The following NUDCD1 variants were observed in gnomAD, a reference collection of about 807,000 sequenced individuals.
The protein encoded by NUDCD1 is NudC domain containing 1.
Under a neutral mutation model 67.8 loss-of-function variants are expected in NUDCD1, and 60 were observed. The ratio of observed to expected loss-of-function variants is 0.88; its 90% CI spans 0.72 to 1.10. The LOEUF (loss-of-function observed/expected upper bound fraction) is 1.10, where lower values mean the gene tolerates loss of function less well. NUDCD1 is among the 50% of genes least tolerant of loss of function. The pLI is 0.00. For missense variants in NUDCD1, 643 were observed against 695.0 expected (o/e 0.93, Z 0.84); for synonymous variants, 244 against 230.8 (o/e 1.06, Z -0.52).
chr8:109,259,373 T>C (rs1232266609), intron 8 of NUDCD1, among the ~76,000 whole-genome samples: 1 of 152,218 alleles, frequency 6.6e-6, no homozygotes, highest in Non-Finnish European at 1.5e-5. Flanking sequence ...AGGAGTTTCA[T>C]GTCTTTTTAC....
intron 6 of NUDCD1, among the ~76,000 whole-genome samples, chr8:109,275,810 T>C (rs1393814065): frequency 6.6e-6 from 1 of 152,118 alleles, no homozygotes; most frequent in Non-Finnish European, 1.5e-5. Flanking sequence ...CTGAACTTAA[T>C]AGAAATACAA....
At chr8:109,276,095 T>G (rs1002044125) in intron 6 of NUDCD1, among the ~76,000 whole-genome samples, 28 of 152,214 alleles carry the variant, frequency 1.8e-4, no homozygotes, top group African/African-American at 6.3e-4. Flanking sequence ...AAAAAGATGT[T>G]AATGTGTTCT....
intron 2 of NUDCD1, among the ~76,000 whole-genome samples, chr8:109,321,511 A>G (rs1302634932): frequency 1.3e-5 from 2 of 150,762 alleles, no homozygotes; most frequent in African/African-American, 5.0e-5. Context: ...AGTTCTAAGG[A>G]CATTTTTTTT....
In NUDCD1 at chr8:109,243,212, C is replaced by T; in HGVS notation, c.1549G>A (p.Val517Ile). 6.2e-7 allele frequency: 1 copy of T among 1,613,644 alleles called. No individual in the cohort carries two copies. The highest frequency in any genetic ancestry group is 8.5e-7 in the Non-Finnish European group (1 of 1,179,676). Residue 517 changes from valine (V) to isoleucine (I), a missense_variant, in exon 10 of 10, where the codon GTA becomes ATA. Coordinates refer to ENST00000239690, the MANE Select transcript of NUDCD1 (RefSeq NM_032869.4). ...YAALCECLRR[V>I]FIYRQPAPMS... ...GGAGCAGGCTGACGATAGATGAATA[C>T]TCGACGAAGGCACTCACAAAGGGCT...
intron 2 of NUDCD1, among the ~76,000 whole-genome samples, chr8:109,317,647 G>C (rs59651628): frequency 0.011 from 1,682 of 152,202 alleles, 28 homozygotes; most frequent in African/African-American, 0.038. Flanking sequence ...AAAGTTACCT[G>C]ACATTATGAT....
chr8:109,333,825 G>C (rs1326246282), intron 1 of NUDCD1, 68 bp downstream of exon 1: 13 of 1,523,600 alleles, frequency 8.5e-6, no homozygotes, highest in African/African-American at 2.8e-5. Context: ...GAAATTGCGG[G>C]AAGGGTCAGG....
intron 4 of NUDCD1, among the ~76,000 whole-genome samples, chr8:109,291,248 C>T (rs1814704541): frequency 6.6e-6 from 1 of 152,122 alleles, no homozygotes. Context: ...CTCAAACTCC[C>T]AGGCTCAAGC....
intron 8 of NUDCD1, among the ~76,000 whole-genome samples, chr8:109,247,093 TC>T (rs1196436617): frequency 2.0e-5 from 3 of 152,170 alleles, no homozygotes; most frequent in South Asian, 4.1e-4. Context: ...CTCTCCTTAC[TC>T]CCGATGATCA....
intron 2 of NUDCD1, among the ~76,000 whole-genome samples, chr8:109,300,079 T>C (rs1274639730): frequency 1.3e-5 from 2 of 152,188 alleles, no homozygotes; most frequent in South Asian, 2.1e-4. Context: ...GGGAACACCA[T>C]GGGACAAAAG....
At chr8:109,275,634 C>A in intron 6 of NUDCD1, 138 bp from the exon 7 acceptor site, 1 of 707,556 alleles carries the variant, frequency 1.4e-6, no homozygotes, top group Non-Finnish European at 2.2e-6. Flanking sequence ...AAAAATCTTG[C>A]TCATTTAAGT....
intron 2 of NUDCD1, among the ~76,000 whole-genome samples, chr8:109,299,910 A>G (rs764556433): frequency 2.6e-5 from 4 of 152,150 alleles, no homozygotes; most frequent in Non-Finnish European, 5.9e-5. Flanking sequence ...GAGACCCACA[A>G]ATGGTACACA....
At chr8:109,331,563 G>A (rs553964217) in intron 1 of NUDCD1, among the ~76,000 whole-genome samples, 39 of 150,264 alleles carry the variant, frequency 2.6e-4, no homozygotes, top group Admixed American at 1.2e-3. Context: ...CTGATATCCT[G>A]CAGCTGTACA....
At chr8:109,244,226 T>C (rs1230484205) in intron 9 of NUDCD1, among the ~76,000 whole-genome samples, 3 of 152,104 alleles carry the variant, frequency 2.0e-5, no homozygotes, top group Non-Finnish European at 4.4e-5. Context: ...GATACCTATT[T>C]AAATAGTTTA....
intron 5 of NUDCD1, among the ~76,000 whole-genome samples, chr8:109,285,140 A>G (rs1221080501): frequency 6.6e-6 from 1 of 152,164 alleles, no homozygotes; most frequent in Non-Finnish European, 1.5e-5. Context: ...GAACAGACCA[A>G]TATCAAGTTC....
chr8:109,261,358 A>G (rs1813860143), intron 8 of NUDCD1, among the ~76,000 whole-genome samples: 1 of 152,156 alleles, frequency 6.6e-6, no homozygotes, highest in Non-Finnish European at 1.5e-5. Context: ...GAATGAATAA[A>G]TTACATATAT....
At chr8:109,305,204 C>T (rs1197061705) in intron 2 of NUDCD1, among the ~76,000 whole-genome samples, 1 of 152,162 alleles carries the variant, frequency 6.6e-6, no homozygotes, top group African/African-American at 2.4e-5. Context: ...ACCCACATGC[C>T]CCGAGTCAGG....
chr8:109,275,839 A>G (rs947772544), intron 6 of NUDCD1, among the ~76,000 whole-genome samples: 3 of 152,144 alleles, frequency 2.0e-5, no homozygotes, highest in African/African-American at 7.2e-5. Context: ...GATCTATAAG[A>G]CATCTGGGGA....
chr8:109,314,896 A>G (rs554111214), intron 2 of NUDCD1, among the ~76,000 whole-genome samples: 2 of 152,112 alleles, frequency 1.3e-5, no homozygotes, highest in Non-Finnish European at 2.9e-5. Flanking sequence ...GAACTAACGA[A>G]GTAGTTTTCT....
chr8:109,319,302 T>C (rs1182317025), intron 2 of NUDCD1, among the ~76,000 whole-genome samples: 1 of 152,158 alleles, frequency 6.6e-6, no homozygotes, highest in Non-Finnish European at 1.5e-5. Flanking sequence ...TAAAGGTTAA[T>C]TGGAACACGG....
Sources: gnomAD v4.1 joint callset for allele counts (sites outside exome capture counted in the v4.1 genomes callset) on GRCh38, gnomAD v4.1.1 for gene constraint, MANE v1.5 for transcripts, NCBI Gene and HGNC (gene_info 2026-07-23, HGNC 2026-07-21) for gene names.